MDGA2: variants seen among roughly 807,000 people sequenced by gnomAD.
The protein encoded by MDGA2 is MAM domain containing glycosylphosphatidylinositol anchor 2, also known as MAM domain-containing glycosylphosphatidylinositol anchor protein 2.
MDGA2 carries 40 observed loss-of-function variants against 117.8 expected under a neutral mutation model. That is an observed-to-expected ratio of 0.34 (90% CI 0.26 to 0.44). The LOEUF (loss-of-function observed/expected upper bound fraction) is 0.44, where lower values mean the gene tolerates loss of function less well. Ranked by LOEUF, MDGA2 falls within the 20% of genes least tolerant of loss-of-function variation. The probability of loss-of-function intolerance (pLI) is 1.00; values close to 1 mark genes in which losing one functional copy is unlikely to be tolerated. For missense variants in MDGA2, 1,123 were observed against 1,250.6 expected, an observed-to-expected ratio of 0.90 and a Z score of 1.54; for synonymous variants, 452 against 439.0, an observed-to-expected ratio of 1.03 and a Z score of -0.37.
At chr14:47,104,044 T>C (rs1880494724) in intron 5 of MDGA2, among the ~76,000 whole-genome samples, 1 of 152,226 alleles carries the variant, frequency 6.6e-6, no homozygotes, top group Admixed American at 6.5e-5. Context: ...GTATGTTTAC[T>C]TCACCTGCCT....
At chr14:47,656,694 T>G (rs2138281713) in intron 1 of MDGA2, among the ~76,000 whole-genome samples, 1 of 152,240 alleles carries the variant, frequency 6.6e-6, no homozygotes, top group South Asian at 2.1e-4. Context: ...GAGATCTTTG[T>G]AGACAATGTT....
intron 8 of MDGA2, among the ~76,000 whole-genome samples, chr14:46,991,833 G>C (rs1404820629): frequency 1.3e-5 from 2 of 152,018 alleles, no homozygotes; most frequent in Non-Finnish European, 2.9e-5. Context: ...CAATACACTA[G>C]CTAGATCACT....
intron 1 of MDGA2, among the ~76,000 whole-genome samples, chr14:47,417,809 G>C (rs929011016): frequency 1.3e-5 from 2 of 152,008 alleles, no homozygotes; most frequent in Non-Finnish European, 2.9e-5. Flanking sequence ...CCTCCTTGGA[G>C]CTCAAGCAAT....
At position 47,329,371 on chromosome 14, in the gene MDGA2, T is replaced by A. The variant is rs573311042; in HGVS notation, c.281-27821A>T. On this transcript the variant is annotated intron_variant, in intron 1 of 16. Transcript: ENST00000399232. ...AAAGGAAGAAGGGAAGTGAAGAAAA[T>A]AAAAGAAAGAAAAGAAAAGAATATG... Among the ~76,000 whole-genome samples, 6 of 151,822 alleles carry A rather than the reference T, an allele frequency of 4.0e-5. 1 individual carries two copies. The highest frequency in any genetic ancestry group is 1.2e-4 in the African/African-American group (5 of 41,412).
At chr14:47,459,383 G>A (rs1251072058) in intron 1 of MDGA2, among the ~76,000 whole-genome samples, 1 of 150,786 alleles carries the variant, frequency 6.6e-6, no homozygotes, top group East Asian at 2.0e-4. Flanking sequence ...CTCTCATATT[G>A]TGGTTAGTGT....
intron 1 of MDGA2, among the ~76,000 whole-genome samples, chr14:47,307,817 C>T (rs189864332): frequency 2.0e-5 from 3 of 152,130 alleles, no homozygotes; most frequent in African/African-American, 7.2e-5. Context: ...TTAGAGCTTT[C>T]AATGGTAGTT....
At chr14:47,361,395 T>G (rs369811100) in intron 1 of MDGA2, among the ~76,000 whole-genome samples, 1 of 152,006 alleles carries the variant, frequency 6.6e-6, no homozygotes, top group African/African-American at 2.4e-5. Flanking sequence ...AGCTCCAGAA[T>G]GGTGAGAAAA....
At chr14:47,102,542 A>T (rs1002916852) in intron 5 of MDGA2, among the ~76,000 whole-genome samples, 1 of 152,086 alleles carries the variant, frequency 6.6e-6, no homozygotes, top group African/African-American at 2.4e-5. Flanking sequence ...CAGGAAACAT[A>T]TTGAAGAAGC....
At chr14:47,571,685 A>G (rs906758086) in intron 1 of MDGA2, among the ~76,000 whole-genome samples, 1 of 149,016 alleles carries the variant, frequency 6.7e-6, no homozygotes, top group African/African-American at 2.5e-5. Flanking sequence ...GTTCTCATTC[A>G]TAAGTGGGAA....
At chr14:47,070,166 T>C (rs1890227733) in intron 6 of MDGA2, among the ~76,000 whole-genome samples, 1 of 152,128 alleles carries the variant, frequency 6.6e-6, no homozygotes, top group African/African-American at 2.4e-5. Flanking sequence ...GTCATATTCG[T>C]CCTTTATAAC....
At chr14:47,483,223 T>A (rs1325585451) in intron 1 of MDGA2, among the ~76,000 whole-genome samples, 1 of 152,160 alleles carries the variant, frequency 6.6e-6, no homozygotes, top group Non-Finnish European at 1.5e-5. Flanking sequence ...ATTGGTAACT[T>A]GTACTTACTG....
intron 2 of MDGA2, among the ~76,000 whole-genome samples, chr14:47,242,752 C>G (rs917230579): frequency 2.0e-5 from 3 of 151,770 alleles, no homozygotes; most frequent in East Asian, 1.9e-4. Flanking sequence ...CTGTGCGGCC[C>G]GAGCCTCCCC....
At chr14:47,506,729 T>A (rs1470900607) in intron 1 of MDGA2, among the ~76,000 whole-genome samples, 2 of 152,156 alleles carry the variant, frequency 1.3e-5, no homozygotes, top group African/African-American at 2.4e-5. Context: ...GAAAAAAGAA[T>A]GCAGGCCGGG....
Position 46,991,905 on chromosome 14 carries a change from G to A in MDGA2, c.1820-34262C>T, listed in dbSNP as rs182508358. Among the ~76,000 whole-genome samples, 15 of 152,152 alleles carry A rather than the reference G, an allele frequency of 9.9e-5. No individual in the cohort carries two copies. The East Asian group carries it at 2.1e-3, about 22-fold the overall frequency. ...ACAGAATTCAGGATAAGACTCTCTTGGATCCCATCCAAAGGTTGAAATACA... is the reference window on the plus strand; with the variant it reads ...ACAGAATTCAGGATAAGACTCTCTTAGATCCCATCCAAAGGTTGAAATACA... On this transcript the variant is annotated intron_variant, in intron 8 of 16. Coordinates refer to ENST00000399232, the MANE Select transcript of MDGA2 (RefSeq NM_001113498.3).
intron 1 of MDGA2, among the ~76,000 whole-genome samples, chr14:47,530,219 G>C (rs1297728122): frequency 6.6e-6 from 1 of 152,078 alleles, no homozygotes; most frequent in African/African-American, 2.4e-5. Context: ...ATAAGATAGG[G>C]CTATAAATGC....
intron 1 of MDGA2, among the ~76,000 whole-genome samples, chr14:47,304,128 T>C (rs1889367378): frequency 6.6e-6 from 1 of 152,200 alleles, no homozygotes; most frequent in Non-Finnish European, 1.5e-5. Context: ...CATCAAAATA[T>C]GTGCTCAATA....
chr14:46,867,141 C>T (rs1341362351), intron 14 of MDGA2, among the ~76,000 whole-genome samples: 1 of 152,060 alleles, frequency 6.6e-6, no homozygotes, highest in Non-Finnish European at 1.5e-5. Context: ...TGGAACCAAC[C>T]CAAATGTCCA....
intron 1 of MDGA2, among the ~76,000 whole-genome samples, chr14:47,383,996 GATAGATAGATAGATAGATA>G (rs1369876449): frequency 3.5e-5 from 4 of 114,530 alleles, no homozygotes; most frequent in Non-Finnish European, 5.8e-5. Context: ...TAGATAGATA[GATAGATAGATAGATAGATA>G]ATAGATAGAT....
At chr14:46,974,733 C>T (rs1207250164) in intron 8 of MDGA2, among the ~76,000 whole-genome samples, 1 of 152,010 alleles carries the variant, frequency 6.6e-6, no homozygotes, top group Non-Finnish European at 1.5e-5. Flanking sequence ...GGTCAAAGGC[C>T]TAAATGTAAG....
Sources: allele counts gnomAD v4.1 joint callset (sites outside exome capture counted in the v4.1 genomes callset), GRCh38; gene constraint gnomAD v4.1.1; transcripts MANE v1.5; gene names NCBI Gene and HGNC (gene_info 2026-07-23, HGNC 2026-07-21).